RANBP2: variants seen among roughly 807,000 people sequenced by gnomAD.
RANBP2 encodes the protein E3 SUMO-protein ligase RanBP2.
A neutral mutation model predicts 303.6 loss-of-function variants in RANBP2; 57 were observed. The observed-to-expected ratio is 0.19, with a 90% CI of 0.15 to 0.23. The LOEUF (loss-of-function observed/expected upper bound fraction) is 0.23, where lower values mean the gene tolerates loss of function less well. Ranked by LOEUF, RANBP2 falls within the 10% of genes least tolerant of loss-of-function variation. The pLI, the probability that RANBP2 is intolerant of heterozygous loss-of-function variation, is 1.00. For missense variants in RANBP2, 3,138 were observed against 3,780.8 expected (o/e 0.83, Z 4.46); for synonymous variants, 1,167 against 1,301.5 (o/e 0.90, Z 2.23).
the RANBP2 span, chr2:109,553,026 C>A: frequency 2.7e-5 from 42 of 1,565,684 alleles, no homozygotes; most frequent in East Asian, 8.6e-4. Context: ...TGGAATAAAT[C>A]CTCCAAATTA....
chr2:109,724,005 C>A, the RANBP2 span, among the ~76,000 whole-genome samples: 1 of 152,322 alleles, frequency 6.6e-6, no homozygotes, highest in South Asian at 2.1e-4. Flanking sequence ...GTTTTCCCAG[C>A]ACCATTTATT....
the RANBP2 span, among the ~76,000 whole-genome samples, chr2:109,635,891 A>G: frequency 6.6e-6 from 1 of 152,228 alleles, no homozygotes; most frequent in Non-Finnish European, 1.5e-5. Flanking sequence ...ATTAAGTGCT[A>G]TGGCATGAAT....
At chr2:109,376,638 C>T in the RANBP2 span, among the ~76,000 whole-genome samples, 1 of 152,182 alleles carries the variant, frequency 6.6e-6, no homozygotes, top group South Asian at 2.1e-4. Flanking sequence ...ACCCAGATCT[C>T]AAGGAACCAA....
chr2:109,471,191 C>T, the RANBP2 span, among the ~76,000 whole-genome samples: 7 of 123,274 alleles, frequency 5.7e-5, no homozygotes, highest in South Asian at 2.6e-4. Flanking sequence ...CCAGCCTGGG[C>T]GACAGACTCT....
chr2:109,558,938 T>C, the RANBP2 span, among the ~76,000 whole-genome samples: 2 of 151,828 alleles, frequency 1.3e-5, no homozygotes, highest in Admixed American at 6.6e-5. Context: ...CAGGCTGGAG[T>C]GCAGTGGTGC....
At chr2:109,576,957 G>A in the RANBP2 span, among the ~76,000 whole-genome samples, 1 of 152,000 alleles carries the variant, frequency 6.6e-6, no homozygotes, top group African/African-American at 2.4e-5. Flanking sequence ...AAGAACTGAC[G>A]GACACACTAT....
chr2:108,895,905 T>C, the RANBP2 span: 1 of 152,238 alleles, frequency 6.6e-6, no homozygotes, highest in African/African-American at 2.4e-5. Flanking sequence ...TCTAGAATTA[T>C]GCGTGGCTGA....
chr2:109,038,253 T>G, the RANBP2 span, among the ~76,000 whole-genome samples: 1,037 of 152,342 alleles, frequency 6.8e-3, 6 homozygotes, highest in East Asian at 0.035. Flanking sequence ...AACCTTGACT[T>G]GTCTCAAACC....
the RANBP2 span, among the ~76,000 whole-genome samples, chr2:109,096,353 A>G: frequency 6.6e-6 from 1 of 152,226 alleles, no homozygotes; most frequent in African/African-American, 2.4e-5. Context: ...AATATGGTTC[A>G]GTATATATTG....
At chr2:108,848,374 G>A in the RANBP2 span, among the ~76,000 whole-genome samples, 10 of 152,112 alleles carry the variant, frequency 6.6e-5, no homozygotes, top group Non-Finnish European at 1.3e-4. Flanking sequence ...ATGAATATTG[G>A]GAAGGAGTAG....
At chr2:109,359,407 GA>G in the RANBP2 span, among the ~76,000 whole-genome samples, 2,957 of 152,206 alleles carry the variant, frequency 0.019, 91 homozygotes, top group African/African-American at 0.067. Context: ...CCATGAACAT[GA>G]AATATCTATT....
the RANBP2 span, among the ~76,000 whole-genome samples, chr2:109,313,877 G>A: frequency 1.3e-5 from 2 of 148,556 alleles, no homozygotes; most frequent in African/African-American, 5.2e-5. Context: ...GGGATTTGAA[G>A]AGTGGCAGTG....
At chr2:109,285,619 T>C in the RANBP2 span, among the ~76,000 whole-genome samples, 1 of 152,210 alleles carries the variant, frequency 6.6e-6, no homozygotes, top group Non-Finnish European at 1.5e-5. Context: ...CTGTGCTCTG[T>C]GGGGAGCCTA....
At chr2:109,421,239 G>A in the RANBP2 span, among the ~76,000 whole-genome samples, 1 of 152,234 alleles carries the variant, frequency 6.6e-6, no homozygotes, top group Non-Finnish European at 1.5e-5. Flanking sequence ...GCAGGATGCA[G>A]GTCAGGTTGC....
chr2:109,037,495 G>T, the RANBP2 span, among the ~76,000 whole-genome samples: 1 of 152,200 alleles, frequency 6.6e-6, no homozygotes, highest in Non-Finnish European at 1.5e-5. Flanking sequence ...AAAGCACAAA[G>T]ATTAGAAGGA....
At chr2:109,517,372 T>A in the RANBP2 span, among the ~76,000 whole-genome samples, 1 of 152,168 alleles carries the variant, frequency 6.6e-6, no homozygotes, top group Non-Finnish European at 1.5e-5. Context: ...TCATTGGTCA[T>A]TCATGTGTCA....
chr2:109,403,361 G>T, the RANBP2 span, among the ~76,000 whole-genome samples: 1 of 152,186 alleles, frequency 6.6e-6, no homozygotes, highest in East Asian at 1.9e-4. Flanking sequence ...TTCCCCGACT[G>T]TGTGGCCCAC....
chr2:109,476,953 A>G, the RANBP2 span, among the ~76,000 whole-genome samples: 1 of 152,142 alleles, frequency 6.6e-6, no homozygotes, highest in South Asian at 2.1e-4. Context: ...CCTCATCACC[A>G]CCTTGGTTTT....
chr2:109,370,653 C>T, the RANBP2 span, among the ~76,000 whole-genome samples: 6 of 152,120 alleles, frequency 3.9e-5, no homozygotes, highest in South Asian at 2.1e-4. Context: ...CTTTCTCACC[C>T]GCCCTGCCAT....
Sources: allele counts gnomAD v4.1 joint callset (sites outside exome capture counted in the v4.1 genomes callset), GRCh38; gene constraint gnomAD v4.1.1; transcripts MANE v1.5; gene names NCBI Gene and HGNC (gene_info 2026-07-23, HGNC 2026-07-21).